The following MARCHF1 variants were observed in gnomAD, a reference collection of about 807,000 sequenced individuals.
MARCHF1 encodes E3 ubiquitin-protein ligase MARCHF1.
In MARCHF1, 40 loss-of-function variants were observed where a neutral mutation model predicts 54.2. That is an observed-to-expected ratio of 0.74 (90% CI 0.57 to 0.96). The LOEUF (loss-of-function observed/expected upper bound fraction) is 0.96, where lower values mean the gene tolerates loss of function less well. MARCHF1 is among the 40% of genes least tolerant of loss of function. MARCHF1 has a pLI of 0.00. For missense variants in MARCHF1, 586 were observed against 656.5 expected, an observed-to-expected ratio of 0.89 and a Z score of 1.17; for synonymous variants, 236 against 236.3, an observed-to-expected ratio of 1.00 and a Z score of 0.01.
intron 4 of MARCHF1, among the ~76,000 whole-genome samples, chr4:163,719,940 TTAG>T (rs1176233597): frequency 1.3e-5 from 2 of 152,206 alleles, no homozygotes; most frequent in African/African-American, 4.8e-5. Context: ...CTTTGTCAGA[TTAG>T]TAGATTGCAA....
chr4:164,087,293 T>C (rs1369158617), intron 2 of MARCHF1, among the ~76,000 whole-genome samples: 1 of 152,132 alleles, frequency 6.6e-6, no homozygotes, highest in East Asian at 1.9e-4. Flanking sequence ...ATCATACAAA[T>C]GTATTGTCTA....
At chr4:163,731,406 G>A (rs571132259) in intron 4 of MARCHF1, among the ~76,000 whole-genome samples, 118 of 152,160 alleles carry the variant, frequency 7.8e-4, no homozygotes, top group Non-Finnish European at 1.5e-3. Flanking sequence ...GTTCTACAAA[G>A]GACATTGATT....
chr4:164,348,250 T>C, intron 1 of MARCHF1, among the ~76,000 whole-genome samples: 1 of 152,134 alleles, frequency 6.6e-6, no homozygotes, highest in East Asian at 1.9e-4. Flanking sequence ...CATAGTGCAT[T>C]TTAGCCAATA....
intron 4 of MARCHF1, among the ~76,000 whole-genome samples, chr4:163,703,017 G>A (rs1428458790): frequency 2.0e-5 from 3 of 152,144 alleles, no homozygotes; most frequent in African/African-American, 7.2e-5. Flanking sequence ...TCTGGCAGGA[G>A]TACATTGTTT....
chr4:163,904,850 CTG>C (rs1300348104), intron 3 of MARCHF1, among the ~76,000 whole-genome samples: 4 of 151,954 alleles, frequency 2.6e-5, no homozygotes, highest in African/African-American at 9.7e-5. Context: ...TATAAAATAA[CTG>C]TGAATCTCCT....
intron 1 of MARCHF1, among the ~76,000 whole-genome samples, chr4:164,234,530 T>A (rs1732495187): frequency 6.6e-6 from 1 of 152,132 alleles, no homozygotes; most frequent in Non-Finnish European, 1.5e-5. Flanking sequence ...TCAGCCTACT[T>A]GTTCCCTTTT....
intron 3 of MARCHF1, among the ~76,000 whole-genome samples, chr4:163,908,911 C>T (rs1297180581): frequency 2.6e-5 from 4 of 152,038 alleles, no homozygotes; most frequent in Admixed American, 2.0e-4. Flanking sequence ...TAAGATCTGT[C>T]ACAATCGTAT....
At chr4:163,740,950 C>T (rs1211005227) in intron 4 of MARCHF1, among the ~76,000 whole-genome samples, 1 of 152,132 alleles carries the variant, frequency 6.6e-6, no homozygotes, top group East Asian at 1.9e-4. Context: ...ATGGACCTCT[C>T]CTTTCTTCCA....
At chr4:163,823,258 C>CT (rs1320790609) in intron 4 of MARCHF1, among the ~76,000 whole-genome samples, 1 of 151,638 alleles carries the variant, frequency 6.6e-6, no homozygotes, top group African/African-American at 2.4e-5. Flanking sequence ...TACCTCACAG[C>CT]TACCCCAGTA....
intron 4 of MARCHF1, among the ~76,000 whole-genome samples, chr4:163,734,555 G>GAAAAAAAAAAAAAAAA (rs34496158): frequency 6.7e-6 from 1 of 148,442 alleles, no homozygotes; most frequent in African/African-American, 2.5e-5. Flanking sequence ...ACCAAAAAAA[G>GAAAAAAAAAAAAAAAA]AAAAAAAAGC....
chr4:164,053,297 G>T (rs150794739), intron 2 of MARCHF1, among the ~76,000 whole-genome samples: 50 of 152,140 alleles, frequency 3.3e-4, no homozygotes, highest in African/African-American at 1.2e-3. Flanking sequence ...TGAAATGACC[G>T]ATATTTGGGC....
At chr4:163,715,001 G>A (rs1446217060) in intron 4 of MARCHF1, among the ~76,000 whole-genome samples, 1 of 151,988 alleles carries the variant, frequency 6.6e-6, no homozygotes, top group Non-Finnish European at 1.5e-5. Context: ...TTTTATTCAC[G>A]AATAATTTAT....
chr4:163,889,921 T>A (rs1171193626), intron 3 of MARCHF1, among the ~76,000 whole-genome samples: 1 of 7,546 alleles, frequency 1.3e-4, no homozygotes, highest in Non-Finnish European at 1.2e-3. Context: ...TTTATTTTCT[T>A]TTTTCTTTTT....
chr4:163,617,843 A>C (rs1741564162), intron 5 of MARCHF1, among the ~76,000 whole-genome samples: 1 of 152,208 alleles, frequency 6.6e-6, no homozygotes, highest in Non-Finnish European at 1.5e-5. Flanking sequence ...GATGATGAGC[A>C]TCATAATGGA....
At chr4:163,684,901 T>C (rs1254035274) in intron 5 of MARCHF1, among the ~76,000 whole-genome samples, 1 of 152,234 alleles carries the variant, frequency 6.6e-6, no homozygotes, top group Non-Finnish European at 1.5e-5. Context: ...CAGCTATCCA[T>C]CCCTTTATCC....
chr4:163,787,801 A>G (rs949440532), intron 4 of MARCHF1, among the ~76,000 whole-genome samples: 1 of 152,000 alleles, frequency 6.6e-6, no homozygotes, highest in East Asian at 1.9e-4. Context: ...ATTATTCACA[A>G]TTGCCAAGAG....
intron 8 of MARCHF1, among the ~76,000 whole-genome samples, chr4:163,575,055 T>G (rs181456499): frequency 6.6e-6 from 1 of 152,200 alleles, no homozygotes; most frequent in African/African-American, 2.4e-5. Context: ...TCACTTCCAG[T>G]ACTATGTTGA....
chr4:163,620,600 CACACACAG>C (rs1295636853), intron 5 of MARCHF1, among the ~76,000 whole-genome samples: 11 of 76,848 alleles, frequency 1.4e-4, no homozygotes, highest in African/African-American at 2.4e-4. Flanking sequence ...CACACACACA[CACACACAG>C]AGAGAGAGAG....
intron 4 of MARCHF1, among the ~76,000 whole-genome samples, chr4:163,785,407 C>A (rs1237648677): frequency 6.6e-6 from 1 of 152,034 alleles, no homozygotes; most frequent in Non-Finnish European, 1.5e-5. Flanking sequence ...AGTTCACACC[C>A]TGACACACTT....
Sources: allele counts gnomAD v4.1 joint callset (sites outside exome capture counted in the v4.1 genomes callset), GRCh38; gene constraint gnomAD v4.1.1; transcripts MANE v1.5; gene names NCBI Gene and HGNC (gene_info 2026-07-23, HGNC 2026-07-21).